Variants in TRPC7 observed in about 807,000 individuals in gnomAD.
TRPC7 encodes the protein short transient receptor potential channel 7.
In TRPC7, 42 loss-of-function variants were observed where a neutral mutation model predicts 90.1. The observed-to-expected ratio is 0.47, with a 90% CI of 0.36 to 0.60. The LOEUF is 0.60. TRPC7 is among the 20% of genes least tolerant of loss of function. The pLI is 0.00. For synonymous variants in TRPC7, 451 were observed against 436.3 expected (o/e 1.03, Z -0.42); for missense variants, 955 against 1,112.3 (o/e 0.86, Z 2.01).
intron 1 of TRPC7, 128 bp downstream of exon 1, chr5:136,365,125 T>C (rs866671784): frequency 2.9e-6 from 3 of 1,048,492 alleles, no homozygotes; most frequent in Middle Eastern, 4.1e-4. Context: ...CTCAGATCCA[T>C]CTAAAAATCT....
chr5:136,311,604 CAGAGTT>C (rs1417854112), intron 3 of TRPC7, among the ~76,000 whole-genome samples: 1 of 152,196 alleles, frequency 6.6e-6, no homozygotes, highest in Admixed American at 6.5e-5. Flanking sequence ...AGGACAGAGA[CAGAGTT>C]AGAGAAGATT....
intron 1 of TRPC7, among the ~76,000 whole-genome samples, chr5:136,359,748 A>G (rs982017892): frequency 1.3e-5 from 2 of 151,256 alleles, no homozygotes; most frequent in African/African-American, 4.8e-5. Flanking sequence ...GATGTAATGA[A>G]CTCAGTTTCA....
chr5:136,293,842 A>C (rs1758056521), intron 3 of TRPC7, among the ~76,000 whole-genome samples: 1 of 152,232 alleles, frequency 6.6e-6, no homozygotes, highest in Admixed American at 6.5e-5. Context: ...GGTCAATCCT[A>C]AGCCAAAAGA....
At chr5:136,274,964 C>G in intron 3 of TRPC7, 127 bp from the exon 4 acceptor site, 2 of 1,055,696 alleles carry the variant, frequency 1.9e-6, no homozygotes, top group Non-Finnish European at 2.7e-6. Context: ...GGTTGAGGAA[C>G]CTGCAGTGGG....
At chr5:136,362,748 T>C (rs975170244) in intron 1 of TRPC7, among the ~76,000 whole-genome samples, 1 of 152,200 alleles carries the variant, frequency 6.6e-6, no homozygotes, top group Non-Finnish European at 1.5e-5. Context: ...TTTGTCTTTC[T>C]GTTTTTTTGT....
intron 3 of TRPC7, among the ~76,000 whole-genome samples, chr5:136,294,069 G>C (rs1307833978): frequency 1.1e-4 from 17 of 152,150 alleles, no homozygotes. Context: ...AAATGGTGCT[G>C]GGAAAACTGG....
chr5:136,214,743 G>T (rs764819963), intron 11 of TRPC7, among the ~76,000 whole-genome samples: 3 of 152,162 alleles, frequency 2.0e-5, no homozygotes, highest in African/African-American at 2.4e-5. Flanking sequence ...CGAGCTGCAT[G>T]CTGGGTGCCC....
At chr5:136,347,828 A>G (rs1760058059) in intron 2 of TRPC7, among the ~76,000 whole-genome samples, 1 of 152,078 alleles carries the variant, frequency 6.6e-6, no homozygotes, top group Non-Finnish European at 1.5e-5. Context: ...ATTCCTCTCC[A>G]CTGCCTGGAG....
Position 136,327,286 on chromosome 5 carries a change from G to T in TRPC7, c.781-11507C>A, listed in dbSNP as rs181198105. Among the ~76,000 whole-genome samples, 392 of 152,310 alleles carry T rather than the reference G, an allele frequency of 2.6e-3. 7 individuals are homozygous for T. The highest frequency in any genetic ancestry group is 7.2e-4 in the Non-Finnish European group (49 of 68,032). The stretch of plus-strand genomic sequence containing the variant: ...GTTGAAATATAATTCAAAGGTAGAT[G>T]TTCTTAGAGAGGAGAGAAAGGAGAA... On this transcript the variant is annotated intron_variant, in intron 2 of 11. Transcript: ENST00000513104.
chr5:136,285,212 C>A (rs1757673000), intron 3 of TRPC7, among the ~76,000 whole-genome samples: 1 of 152,058 alleles, frequency 6.6e-6, no homozygotes, highest in African/African-American at 2.4e-5. Context: ...GCCTTAGGAG[C>A]CAGGGAGAGT....
At chr5:136,331,938 G>GT (rs1759513072) in intron 2 of TRPC7, among the ~76,000 whole-genome samples, 2 of 152,240 alleles carry the variant, frequency 1.3e-5, no homozygotes, top group East Asian at 3.9e-4. Context: ...ATATTTTATT[G>GT]GGGGTATAGG....
chr5:136,347,163 T>G (rs757338423), intron 2 of TRPC7, among the ~76,000 whole-genome samples: 2 of 152,222 alleles, frequency 1.3e-5, no homozygotes, highest in Non-Finnish European at 2.9e-5. Flanking sequence ...ACCTTGACTT[T>G]GGACCTCTAG....
At chr5:136,243,047 G>A (rs1240904857) in intron 7 of TRPC7, among the ~76,000 whole-genome samples, 2 of 152,180 alleles carry the variant, frequency 1.3e-5, no homozygotes, top group African/African-American at 2.4e-5. Context: ...GACACTGGGC[G>A]ATAGGGCAGG....
rs535800543 is a variant in TRPC7, at chr5:136,225,750, G to A, written c.2262+284C>T. Among the ~76,000 whole-genome samples, 3 of 152,144 alleles carry A rather than the reference G, an allele frequency of 2.0e-5. No individual in the cohort carries two copies. The East Asian group carries it at 5.8e-4, about 29-fold the overall frequency. On this transcript the variant is annotated intron_variant, in intron 9 of 11. Coordinates refer to ENST00000513104, the MANE Select transcript of TRPC7 (RefSeq NM_020389.3). ...CTGTTCCATTTCCAAGTCCACTAAGGGGTTCCCTTCACTGGGGTCATGGCT... is the reference window on the plus strand; with the variant it reads ...CTGTTCCATTTCCAAGTCCACTAAGAGGTTCCCTTCACTGGGGTCATGGCT...
At chr5:136,237,898 T>A (rs1462698508) in intron 7 of TRPC7, among the ~76,000 whole-genome samples, 1 of 152,238 alleles carries the variant, frequency 6.6e-6, no homozygotes, top group Admixed American at 6.5e-5. Flanking sequence ...AGAAATCAGA[T>A]CCTGCCCCTC....
At chr5:136,348,885 A>G (rs1316551687) in intron 2 of TRPC7, among the ~76,000 whole-genome samples, 1 of 152,184 alleles carries the variant, frequency 6.6e-6, no homozygotes, top group Non-Finnish European at 1.5e-5. Context: ...TAGCATTGTA[A>G]TTATTTTTTT....
intron 2 of TRPC7, among the ~76,000 whole-genome samples, chr5:136,327,584 T>C (rs372858983): frequency 6.6e-6 from 1 of 152,084 alleles, no homozygotes; most frequent in African/African-American, 2.4e-5. Context: ...AAGGAAGGTA[T>C]GAGGATGGAG....
At chr5:136,349,253 A>T (rs2149856955) in intron 2 of TRPC7, among the ~76,000 whole-genome samples, 1 of 152,254 alleles carries the variant, frequency 6.6e-6, no homozygotes, top group Non-Finnish European at 1.5e-5. Context: ...ATTGGAAAAT[A>T]TTCCCTTGGC....
intron 2 of TRPC7, among the ~76,000 whole-genome samples, chr5:136,325,265 G>C (rs746450290): frequency 4.6e-5 from 7 of 152,210 alleles, no homozygotes; most frequent in Non-Finnish European, 8.8e-5. Flanking sequence ...GAAGAGTGGA[G>C]GACATGCCTG....
Sources: allele counts gnomAD v4.1 joint callset (sites outside exome capture counted in the v4.1 genomes callset), GRCh38; gene constraint gnomAD v4.1.1; transcripts MANE v1.5; gene names NCBI Gene and HGNC (gene_info 2026-07-23, HGNC 2026-07-21).